CFH: variants seen among roughly 807,000 people sequenced by gnomAD.
CFH encodes complement factor H.
In CFH, 53 loss-of-function variants were observed where a neutral mutation model predicts 147.3. The observed-to-expected ratio is 0.36, with a 90% confidence interval of 0.29 to 0.45. CFH has a LOEUF of 0.45. CFH is among the 20% of genes least tolerant of loss of function. The pLI, the probability that CFH is intolerant of heterozygous loss-of-function variation, is 1.00. For synonymous variants in CFH, 536 were observed against 489.4 expected, an observed-to-expected ratio of 1.10 and a Z score of -1.26; for missense variants, 1,380 against 1,498.0, an observed-to-expected ratio of 0.92 and a Z score of 1.30.
intron 3 of CFH, 25 bp from the exon 4 acceptor site, chr1:196,675,964 C>T (rs747852489): frequency 1.4e-5 from 21 of 1,501,748 alleles, no homozygotes; most frequent in Middle Eastern, 1.7e-4. Context: ...ATTATGTCAA[C>T]GTTCTGTTAT....
intron 9 of CFH, among the ~76,000 whole-genome samples, chr1:196,699,684 T>C (rs1271496941): frequency 1.3e-5 from 2 of 152,202 alleles, no homozygotes; most frequent in African/African-American, 4.8e-5. Context: ...GAGGAATATG[T>C]AGAGGGTTAT....
intron 12 of CFH, among the ~76,000 whole-genome samples, chr1:196,725,862 C>T (rs983281510): frequency 2.0e-5 from 3 of 152,156 alleles, no homozygotes; most frequent in African/African-American, 4.8e-5. Context: ...ATCCAAACAT[C>T]TCCCATTAGA....
At chr1:196,697,912 C>G (rs1038649015) in intron 9 of CFH, among the ~76,000 whole-genome samples, 2 of 149,806 alleles carry the variant, frequency 1.3e-5, no homozygotes, top group African/African-American at 4.9e-5. Flanking sequence ...TGACAAAAAA[C>G]CAAGCATCGC....
intron 17 of CFH, among the ~76,000 whole-genome samples, chr1:196,740,085 C>A (rs1450135743): frequency 1.3e-5 from 2 of 152,112 alleles, no homozygotes; most frequent in African/African-American, 4.8e-5. Flanking sequence ...AGAACAGCAG[C>A]AGAGGAAAAA....
At chr1:196,742,696 C>A (rs1478282690) in intron 19 of CFH, among the ~76,000 whole-genome samples, 1 of 152,050 alleles carries the variant, frequency 6.6e-6, no homozygotes, top group African/African-American at 2.4e-5. Context: ...AAAGTAAAAC[C>A]CTGAAACTGT....
intron 10 of CFH, among the ~76,000 whole-genome samples, chr1:196,714,580 C>T (rs1473355497): frequency 1.5e-5 from 2 of 134,784 alleles, no homozygotes; most frequent in Admixed American, 7.9e-5. Context: ...TTATTTTTTG[C>T]AAAACCACTC....
intron 1 of CFH, among the ~76,000 whole-genome samples, chr1:196,670,509 G>A (rs1354202126): frequency 6.6e-6 from 1 of 152,138 alleles, no homozygotes; most frequent in East Asian, 1.9e-4. Flanking sequence ...TTCTCATGAG[G>A]TTTGATGGTT....
chr1:196,734,909 G>A (rs35253683), intron 15 of CFH, among the ~76,000 whole-genome samples: 34,493 of 151,624 alleles, frequency 0.23, 4,509 homozygotes, highest in African/African-American at 0.33. Context: ...TTCTTTGTCC[G>A]TTTTCTCTTC....
At chr1:196,672,925 C>T in intron 1 of CFH, 53 bp from the exon 2 acceptor site, 2 of 1,455,448 alleles carry the variant, frequency 1.4e-6, no homozygotes, top group South Asian at 1.2e-5. Flanking sequence ...CCTAAATATA[C>T]TGTACATTTA....
intron 1 of CFH, among the ~76,000 whole-genome samples, chr1:196,661,520 C>G (rs1666904768): frequency 6.6e-6 from 1 of 152,186 alleles, no homozygotes; most frequent in South Asian, 2.1e-4. Flanking sequence ...TAGACAGTGC[C>G]TTTTGGCTGT....
intron 1 of CFH, among the ~76,000 whole-genome samples, chr1:196,660,331 C>T (rs1045657898): frequency 1.3e-5 from 2 of 152,054 alleles, no homozygotes; most frequent in Non-Finnish European, 1.5e-5. Flanking sequence ...TGATGAGATC[C>T]GAGAAAGTGG....
chr1:196,730,179 GTTTA>G (rs1243281662), intron 15 of CFH, among the ~76,000 whole-genome samples: 7 of 151,852 alleles, frequency 4.6e-5, no homozygotes, highest in Middle Eastern at 3.4e-3. Flanking sequence ...CTACTAGACT[GTTTA>G]TTTGAGTTCT....
At chr1:196,731,605 A>T (rs1010628118) in intron 15 of CFH, among the ~76,000 whole-genome samples, 3 of 151,952 alleles carry the variant, frequency 2.0e-5, no homozygotes, top group African/African-American at 4.8e-5. Context: ...ATACTTTAAC[A>T]TCTTCATGTT....
At position 196,689,603 on chromosome 1, in the gene CFH, T is replaced by C. The variant is rs762389370; in HGVS notation, c.1148T>C (p.Val383Ala). 105 of 1,613,308 alleles carry C rather than the reference T, an allele frequency of 6.5e-5. 1 individual carries two copies. Among genetic ancestry groups the C allele is most frequent in the Admixed American group, 5.0e-4 (30 of 59,912 alleles). The change falls in exon 8 of 22, where the codon GTA becomes GCA. Residue 383 changes from valine (V) to alanine (A), a missense_variant. This residue lies in a region of CFH where 167 missense variants were observed against 228.0 expected (regional missense o/e 0.73). Coordinates refer to ENST00000367429, the MANE Select transcript of CFH (RefSeq NM_000186.4). The stretch of plus-strand genomic sequence containing the variant: ...ACACAAGATGGATGGTCGCCAGCAG[T>C]ACCATGCCTCAGTAAGTAAACCTCT... ...HCTQDGWSPA[V>A]PCLRKCYFPY...
chr1:196,694,357 G>A (rs1668175769), intron 9 of CFH, among the ~76,000 whole-genome samples: 1 of 152,154 alleles, frequency 6.6e-6, no homozygotes, highest in African/African-American at 2.4e-5. Flanking sequence ...TGGCTGCATA[G>A]TATTCCATGG....
At chr1:196,724,208 T>C (rs188810300) in intron 11 of CFH, among the ~76,000 whole-genome samples, 3 of 151,972 alleles carry the variant, frequency 2.0e-5, no homozygotes, top group African/African-American at 7.2e-5. Context: ...CTCCTTTGGG[T>C]CCAGCCAGCT....
chr1:196,656,715 GTCCT>G (rs1666706386), intron 1 of CFH, among the ~76,000 whole-genome samples: 2 of 146,348 alleles, frequency 1.4e-5, no homozygotes, highest in Non-Finnish European at 3.0e-5. Flanking sequence ...TATTTTCAGG[GTCCT>G]AATTGTACTG....
intron 1 of CFH, among the ~76,000 whole-genome samples, chr1:196,667,558 A>C (rs1314296083): frequency 1.3e-5 from 2 of 152,042 alleles, no homozygotes; most frequent in Non-Finnish European, 2.9e-5. Flanking sequence ...TTTATCATTT[A>C]CTCTCAATTT....
At chr1:196,711,074 A>AT (rs1281182076) in intron 9 of CFH, among the ~76,000 whole-genome samples, 3 of 151,984 alleles carry the variant, frequency 2.0e-5, no homozygotes, top group African/African-American at 4.8e-5. Flanking sequence ...AATTTGTGTT[A>AT]TTTTTTCTGA....
Sources: gnomAD v4.1 joint callset for allele counts (sites outside exome capture counted in the v4.1 genomes callset) on GRCh38, gnomAD v4.1.1 for gene constraint, gnomAD v4.1.1 regional missense constraint, MANE v1.5 for transcripts, NCBI Gene and HGNC (gene_info 2026-07-23, HGNC 2026-07-21) for gene names.